Variants in LYRM4 observed in about 807,000 individuals in gnomAD.
LYRM4 encodes LYR motif-containing protein 4.
A neutral mutation model predicts 11.7 loss-of-function variants in LYRM4; 9 were observed. That is an observed-to-expected ratio of 0.77 (90% CI 0.46 to 1.34). LYRM4 has a LOEUF of 1.34. Among genes scored for constraint, LYRM4 ranks in the 40% most tolerant of loss-of-function variants. The pLI is 0.00. For missense variants in LYRM4, 133 were observed against 112.5 expected (o/e 1.18, Z -0.82); for synonymous variants, 42 against 40.4 (o/e 1.04, Z -0.15).
intron 2 of LYRM4, among the ~76,000 whole-genome samples, chr6:5,133,711 T>A (rs1764060696): frequency 6.6e-6 from 1 of 152,222 alleles, no homozygotes; most frequent in South Asian, 2.1e-4. Context: ...ACTATTTAGT[T>A]CTGGAAATTT....
chr6:5,142,057 G>A (rs907383699), intron 2 of LYRM4, among the ~76,000 whole-genome samples: 7 of 152,106 alleles, frequency 4.6e-5, no homozygotes, highest in African/African-American at 1.7e-4. Flanking sequence ...TAAGGAAACC[G>A]GTGTGGCAGA....
Position 5,214,061 on chromosome 6 carries a change from G to A in LYRM4, c.207+2557C>T, listed in dbSNP as rs150911037. ...GCTGGCCGCAGAGTCCATGCTCTTC[G>A]CCACCCAGTGGAGATGATGACAGCG... On this transcript the variant is annotated intron_variant, in intron 2 of 2. Transcript: ENST00000330636. Among the ~76,000 whole-genome samples the A allele has an allele frequency of 4.7e-4, 72 of 152,352 alleles. 1 individual carries two copies. Among genetic ancestry groups the A allele is most frequent in the African/African-American group, 1.7e-3 (70 of 41,588 alleles).
At chr6:5,240,623 C>T (rs1306443904) in intron 1 of LYRM4, 3 of 152,182 alleles carry the variant, frequency 2.0e-5, no homozygotes, top group Non-Finnish European at 4.4e-5. Flanking sequence ...CAGGGGCTTC[C>T]GTCTCCCCGC....
At chr6:5,232,911 T>G (rs1238392229) in intron 1 of LYRM4, among the ~76,000 whole-genome samples, 1 of 152,186 alleles carries the variant, frequency 6.6e-6, no homozygotes, top group African/African-American at 2.4e-5. Flanking sequence ...TTAGCATCCA[T>G]GTGAATGTAG....
At chr6:5,154,181 A>C (rs1021569343) in intron 2 of LYRM4, among the ~76,000 whole-genome samples, 15 of 152,302 alleles carry the variant, frequency 9.8e-5, no homozygotes, top group African/African-American at 3.6e-4. Flanking sequence ...CACCCCATCA[A>C]GTAATTATCA....
intron 2 of LYRM4, among the ~76,000 whole-genome samples, chr6:5,170,870 A>G (rs888579496): frequency 3.9e-5 from 6 of 152,254 alleles, no homozygotes; most frequent in African/African-American, 7.2e-5. Context: ...CACTTAAAGA[A>G]GCAAAAGCTG....
chr6:5,061,479 T>C, the LYRM4 span, among the ~76,000 whole-genome samples: 1 of 152,256 alleles, frequency 6.6e-6, no homozygotes. Flanking sequence ...ATCCTATCTA[T>C]GTCATAAATA....
intron 2 of LYRM4, among the ~76,000 whole-genome samples, chr6:5,195,740 C>T (rs1266369693): frequency 2.0e-5 from 3 of 152,114 alleles, no homozygotes; most frequent in Non-Finnish European, 4.4e-5. Flanking sequence ...GGTGGGGTCA[C>T]GGTCTCAGAA....
the LYRM4 span, among the ~76,000 whole-genome samples, chr6:5,041,802 T>G: frequency 2.6e-4 from 40 of 152,350 alleles, 1 homozygote; most frequent in African/African-American, 9.6e-4. Flanking sequence ...TCATCTCTGC[T>G]AATAAACTAT....
At chr6:5,102,181 T>A (rs1052928107), downstream of LYRM4, among the ~76,000 whole-genome samples, 3 of 151,960 alleles carry the variant, frequency 2.0e-5, no homozygotes, top group Non-Finnish European at 4.4e-5. Flanking sequence ...CTTCTATTTA[T>A]ACAGAACCAC....
intron 1 of LYRM4, among the ~76,000 whole-genome samples, chr6:5,237,831 T>C (rs1480575436): frequency 6.6e-6 from 1 of 152,228 alleles, no homozygotes; most frequent in African/African-American, 2.4e-5. Flanking sequence ...CACAGGCCCT[T>C]TGAAACTGTT....
At chr6:5,187,714 T>A (rs1760495641) in intron 2 of LYRM4, among the ~76,000 whole-genome samples, 1 of 152,132 alleles carries the variant, frequency 6.6e-6, no homozygotes, top group Non-Finnish European at 1.5e-5. Context: ...GTATCAAACC[T>A]GCACGTTGTG....
intron 2 of LYRM4, chr6:5,136,540 T>C: frequency 1.0e-6 from 1 of 965,032 alleles, no homozygotes; most frequent in Non-Finnish European, 1.2e-6. Flanking sequence ...ATAATGTCAA[T>C]TTTACATAAG....
the LYRM4 span, among the ~76,000 whole-genome samples, chr6:5,095,841 G>C: frequency 6.6e-6 from 1 of 152,060 alleles, no homozygotes; most frequent in African/African-American, 2.4e-5. Flanking sequence ...TTAGCCAGGC[G>C]TGGTGGCTCA....
At chr6:5,143,254 A>G (rs1757509563) in intron 2 of LYRM4, among the ~76,000 whole-genome samples, 1 of 147,884 alleles carries the variant, frequency 6.8e-6, no homozygotes, top group Admixed American at 6.7e-5. Flanking sequence ...TACGGTGGCC[A>G]ATCTTACACA....
chr6:5,039,116 ATT>A, the LYRM4 span, among the ~76,000 whole-genome samples: 2 of 150,574 alleles, frequency 1.3e-5, no homozygotes, highest in African/African-American at 4.9e-5. Flanking sequence ...ATTTATTTTC[ATT>A]TTTTTTTCAT....
At chr6:5,123,846 C>T (rs1763578680) in intron 2 of LYRM4, among the ~76,000 whole-genome samples, 1 of 152,208 alleles carries the variant, frequency 6.6e-6, no homozygotes, top group Admixed American at 6.5e-5. Context: ...ACCATCGAGC[C>T]ACTCACAGTG....
chr6:5,153,517 G>A lies in LYRM4; in HGVS notation c.208-44026C>T, dbSNP rs116165587. On this transcript the variant is annotated intron_variant, in intron 2 of 2. Coordinates refer to ENST00000330636, the MANE Select transcript of LYRM4 (RefSeq NM_020408.6). ...ACTTGATGAAGTGCTGCTGTTCGGT[G>A]TGACCGGGGGCAACTCACAGAACCT... Among the ~76,000 whole-genome samples, 448 of 152,362 alleles carry A rather than the reference G, an allele frequency of 2.9e-3. 2 individuals carry two copies. Among genetic ancestry groups the A allele is most frequent in the African/African-American group, 0.01 (431 of 41,586 alleles).
At chr6:5,161,248 T>C (rs186532691) in intron 2 of LYRM4, among the ~76,000 whole-genome samples, 1 of 152,324 alleles carries the variant, frequency 6.6e-6, no homozygotes, top group Admixed American at 6.5e-5. Context: ...AGGTTGTAGA[T>C]GAAAATTTTA....
Sources: allele counts gnomAD v4.1 joint callset (sites outside exome capture counted in the v4.1 genomes callset), GRCh38; gene constraint gnomAD v4.1.1; transcripts MANE v1.5; gene names NCBI Gene and HGNC (gene_info 2026-07-23, HGNC 2026-07-21).